The following XXYLT1 variants were observed in gnomAD, a reference collection of about 807,000 sequenced individuals.
XXYLT1 encodes UDP-xylose:alpha-xyloside alpha-1,3-xylosyltransferase.
In XXYLT1, 20 loss-of-function variants were observed where a neutral mutation model predicts 28.9. That is an observed-to-expected ratio of 0.69 (90% CI 0.49 to 1.00). The LOEUF (loss-of-function observed/expected upper bound fraction) is 1.00, where lower values mean the gene tolerates loss of function less well. XXYLT1 is among the 50% of genes least tolerant of loss of function. XXYLT1 has a pLI of 0.00. For missense variants in XXYLT1, 542 were observed against 560.1 expected, an observed-to-expected ratio of 0.97 and a Z score of 0.33; for synonymous variants, 257 against 253.8, an observed-to-expected ratio of 1.01 and a Z score of -0.12.
At chr3:195,184,965 A>G (rs778304826) in intron 2 of XXYLT1, among the ~76,000 whole-genome samples, 7 of 152,160 alleles carry the variant, frequency 4.6e-5, no homozygotes, top group Non-Finnish European at 8.8e-5. Context: ...TACAAACCAT[A>G]CAAATCAGAA....
intron 1 of XXYLT1, among the ~76,000 whole-genome samples, chr3:195,253,665 A>T (rs1462416460): frequency 6.6e-6 from 1 of 151,592 alleles, no homozygotes; most frequent in Non-Finnish European, 1.5e-5. Flanking sequence ...CGCCTGGCCA[A>T]TTTTTGTATT....
intron 3 of XXYLT1, among the ~76,000 whole-genome samples, chr3:195,110,270 T>TA (rs1717493144): frequency 6.5e-5 from 2 of 30,910 alleles, no homozygotes; most frequent in African/African-American, 2.4e-4. Flanking sequence ...TGTGGGTGTG[T>TA]GGTGTGTGTG....
In XXYLT1 at chr3:195,070,047, C is replaced by T. The variant is rs1714709943; in HGVS notation, c.850G>A (p.Gly284Arg). ...ACCCCGCTGTTGAAGCCCGGCAGCC[C>T]CTCGGGGGGCGGGCCCCCAACCCGG... is the stretch of plus-strand genomic sequence containing the variant. Reference protein sequence around the residue: ...QTRVGGPPPEGLPGFNSGVML... With the variant: ...QTRVGGPPPERLPGFNSGVML... Residue 284 changes from glycine (G) to arginine (R), a missense_variant, in exon 4 of 4, where the codon GGG becomes AGG. Transcript: ENST00000310380. 2 of 1,598,948 alleles carry T rather than the reference C, an allele frequency of 1.3e-6. No homozygotes were observed. The highest frequency in any genetic ancestry group is 1.3e-5 in the African/African-American group (1 of 74,874).
chr3:195,207,332 G>T (rs933770924), intron 2 of XXYLT1: 6 of 377,426 alleles, frequency 1.6e-5, no homozygotes, highest in Admixed American at 9.6e-5. Flanking sequence ...GGCTGGGCAG[G>T]AGGGCTCCAG....
intron 3 of XXYLT1, among the ~76,000 whole-genome samples, chr3:195,121,799 T>G (rs929281911): frequency 2.2e-4 from 33 of 152,340 alleles, no homozygotes; most frequent in African/African-American, 7.7e-4. Flanking sequence ...CAACTGGCCC[T>G]GTGACCTGGG....
At chr3:195,249,261 AT>A (rs1247065986) in intron 1 of XXYLT1, among the ~76,000 whole-genome samples, 1 of 152,058 alleles carries the variant, frequency 6.6e-6, no homozygotes, top group East Asian at 1.9e-4. Flanking sequence ...CTCTAACTAA[AT>A]CCCTTCCTGT....
chr3:195,088,328 C>A (rs1210819274), intron 3 of XXYLT1, among the ~76,000 whole-genome samples: 122 of 148,742 alleles, frequency 8.2e-4, no homozygotes, highest in African/African-American at 2.9e-3. Flanking sequence ...CAGCACGCAG[C>A]TGGAGATCTG....
At chr3:195,159,687 G>A (rs1720772987) in intron 2 of XXYLT1, among the ~76,000 whole-genome samples, 1 of 152,168 alleles carries the variant, frequency 6.6e-6, no homozygotes, top group South Asian at 2.1e-4. Flanking sequence ...GGAGCTCCTG[G>A]CTGTCCAGGG....
At chr3:195,231,232 T>G (rs559833793) in intron 1 of XXYLT1, among the ~76,000 whole-genome samples, 46 of 152,320 alleles carry the variant, frequency 3.0e-4, no homozygotes, top group East Asian at 3.9e-4. Context: ...ATTCTGCAAC[T>G]TTACTAAATG....
chr3:195,171,924 A>C (rs1721429168), intron 2 of XXYLT1, among the ~76,000 whole-genome samples: 1 of 152,234 alleles, frequency 6.6e-6, no homozygotes, highest in African/African-American at 2.4e-5. Flanking sequence ...GAAGATTTGA[A>C]CAATCTTAAA....
At chr3:195,245,270 C>T (rs1560172368) in intron 1 of XXYLT1, among the ~76,000 whole-genome samples, 1 of 149,416 alleles carries the variant, frequency 6.7e-6, no homozygotes, top group Non-Finnish European at 1.5e-5. Flanking sequence ...AAGCGATTCT[C>T]CTGCCTCAGC....
At chr3:195,222,257 A>G (rs556494672) in intron 2 of XXYLT1, among the ~76,000 whole-genome samples, 5 of 152,216 alleles carry the variant, frequency 3.3e-5, no homozygotes, top group African/African-American at 1.2e-4. Flanking sequence ...CAAGGAGGAC[A>G]CAGATCGCTG....
chr3:195,110,757 TAA>T (rs1260494863), intron 3 of XXYLT1, among the ~76,000 whole-genome samples: 5 of 128,466 alleles, frequency 3.9e-5, no homozygotes, highest in Non-Finnish European at 6.6e-5. Flanking sequence ...GTGTGGTGTA[TAA>T]GTGTGTGTGG....
At chr3:195,100,727 A>C (rs1003194253) in intron 3 of XXYLT1, among the ~76,000 whole-genome samples, 1 of 152,112 alleles carries the variant, frequency 6.6e-6, no homozygotes, top group African/African-American at 2.4e-5. Flanking sequence ...CCCAGCTCAC[A>C]GGCCATGTCC....
chr3:195,170,520 C>T (rs1721354651), intron 2 of XXYLT1, among the ~76,000 whole-genome samples: 1 of 152,220 alleles, frequency 6.6e-6, no homozygotes, highest in Admixed American at 6.5e-5. Context: ...CTTCCAAATG[C>T]ATTTGTCAAA....
intron 2 of XXYLT1, among the ~76,000 whole-genome samples, chr3:195,221,972 C>T (rs1186430716): frequency 6.6e-6 from 1 of 152,168 alleles, no homozygotes; most frequent in East Asian, 1.9e-4. Flanking sequence ...GCATGTCCCG[C>T]CTGGCAGGAC....
chr3:195,076,762 GCTCT>G lies in XXYLT1; in HGVS notation c.786-6655_786-6652del, dbSNP rs1576997290. Among the ~76,000 whole-genome samples, 1 of 152,142 alleles carries G rather than the reference GCTCT, an allele frequency of 6.6e-6. No individual in the cohort carries two copies. The highest frequency in any genetic ancestry group is 1.5e-5 in the Non-Finnish European group (1 of 68,022). On this transcript the variant is annotated intron_variant, in intron 3 of 3. Coordinates refer to ENST00000310380, the MANE Select transcript of XXYLT1 (RefSeq NM_152531.5). The surrounding 1 kb of genome is among the most constrained non-coding windows in gnomAD (Gnocchi z 5.3). The stretch of plus-strand genomic sequence containing the variant: ...GGGATCCTGGGAGAGGCATCACCCT[GCTCT>G]CTGCCTTCATATTCACATGGCGTTC...
chr3:195,117,897 T>C (rs1718135993), intron 3 of XXYLT1, among the ~76,000 whole-genome samples: 1 of 152,220 alleles, frequency 6.6e-6, no homozygotes. Context: ...GAATAACACT[T>C]GGAAATTTCC....
intron 2 of XXYLT1, among the ~76,000 whole-genome samples, chr3:195,179,822 C>A (rs58875096): frequency 6.6e-6 from 1 of 152,236 alleles, no homozygotes; most frequent in South Asian, 2.1e-4. Flanking sequence ...AATTTAAAAA[C>A]GAGTCACAAT....
Sources: allele counts gnomAD v4.1 joint callset (sites outside exome capture counted in the v4.1 genomes callset), GRCh38; gene constraint gnomAD v4.1.1; non-coding constraint Gnocchi (gnomAD v3.1); transcripts MANE v1.5; gene names NCBI Gene and HGNC (gene_info 2026-07-23, HGNC 2026-07-21).